CRADD: variants seen among roughly 807,000 people sequenced by gnomAD.
CRADD encodes death domain-containing protein CRADD.
In CRADD, 9 loss-of-function variants were observed where a neutral mutation model predicts 15.5. The ratio of observed to expected loss-of-function variants is 0.58; its 90% CI spans 0.35 to 1.01. The LOEUF (loss-of-function observed/expected upper bound fraction) is 1.01. Ranked by LOEUF, CRADD falls within the 50% of genes least tolerant of loss-of-function variation. The pLI, the probability that CRADD is intolerant of heterozygous loss-of-function variation, is 0.02. For missense variants in CRADD, 227 were observed against 250.3 expected, an observed-to-expected ratio of 0.91 and a Z score of 0.63; for synonymous variants, 118 against 107.6, an observed-to-expected ratio of 1.10 and a Z score of -0.60.
intron 2 of CRADD, among the ~76,000 whole-genome samples, chr12:93,892,921 A>T (rs1958586741): frequency 6.6e-6 from 1 of 152,128 alleles, no homozygotes; most frequent in African/African-American, 2.4e-5. Flanking sequence ...TTGATTAATC[A>T]CAGTGTCTTG....
intron 2 of CRADD, among the ~76,000 whole-genome samples, chr12:93,883,956 T>C (rs904908274): frequency 2.0e-5 from 3 of 152,198 alleles, no homozygotes; most frequent in African/African-American, 7.2e-5. Flanking sequence ...TCTCAGGATG[T>C]GGCAAGAGGG....
chr12:93,825,428 C>T (rs943428998), intron 2 of CRADD, among the ~76,000 whole-genome samples: 1 of 152,184 alleles, frequency 6.6e-6, no homozygotes, highest in African/African-American at 2.4e-5. Flanking sequence ...TGATACCTAT[C>T]TTGTGGCGAT....
chr12:93,861,895 G>A (rs1958322606), intron 2 of CRADD, among the ~76,000 whole-genome samples: 1 of 152,168 alleles, frequency 6.6e-6, no homozygotes, highest in African/African-American at 2.4e-5. Context: ...ACCTTGAATT[G>A]TAATAATCCC....
At chr12:93,722,974 G>A (rs1956291477) in intron 2 of CRADD, among the ~76,000 whole-genome samples, 1 of 152,162 alleles carries the variant, frequency 6.6e-6, no homozygotes, top group Admixed American at 6.5e-5. Context: ...GAGAGGAAGT[G>A]AAACCATCTT....
chr12:93,891,263 C>A (rs1180967578), intron 2 of CRADD, among the ~76,000 whole-genome samples: 1 of 151,868 alleles, frequency 6.6e-6, no homozygotes, highest in Non-Finnish European at 1.5e-5. Context: ...CCGAGACAGG[C>A]AGATTGCTTG....
chr12:93,707,515 T>C (rs2136851728), intron 2 of CRADD, among the ~76,000 whole-genome samples: 1 of 152,260 alleles, frequency 6.6e-6, no homozygotes, highest in Non-Finnish European at 1.5e-5. Flanking sequence ...ATGTGGTCTC[T>C]CCATGTGGCT....
intron 2 of CRADD, among the ~76,000 whole-genome samples, chr12:93,821,225 C>T (rs1164412708): frequency 1.3e-5 from 2 of 152,232 alleles, no homozygotes; most frequent in Non-Finnish European, 2.9e-5. Context: ...CCACTGTCCC[C>T]TGAGATGGGG....
intron 2 of CRADD, among the ~76,000 whole-genome samples, chr12:93,724,378 CAAA>C (rs58599421): frequency 1.2e-4 from 16 of 131,968 alleles, no homozygotes; most frequent in South Asian, 2.4e-4. Flanking sequence ...GACCCTGTCT[CAAA>C]AAAAAAAAAA....
chr12:93,739,673 T>A (rs567479966), intron 2 of CRADD, among the ~76,000 whole-genome samples: 1 of 152,172 alleles, frequency 6.6e-6, no homozygotes, highest in African/African-American at 2.4e-5. Flanking sequence ...AATTTTGAAA[T>A]GGGGAAAGGG....
chr12:93,741,889 C>T (rs1342307596), intron 2 of CRADD, among the ~76,000 whole-genome samples: 1 of 152,140 alleles, frequency 6.6e-6, no homozygotes, highest in African/African-American at 2.4e-5. Flanking sequence ...AGGCTCTTCC[C>T]AGAGACAGCA....
intron 2 of CRADD, among the ~76,000 whole-genome samples, chr12:93,681,902 GAGAT>G (rs1955315656): frequency 6.6e-6 from 1 of 152,142 alleles, no homozygotes; most frequent in Non-Finnish European, 1.5e-5. Flanking sequence ...TATATAGAGA[GAGAT>G]ATATATGTTT....
At chr12:93,770,340 G>C (rs545983520) in intron 2 of CRADD, among the ~76,000 whole-genome samples, 3 of 151,748 alleles carry the variant, frequency 2.0e-5, no homozygotes, top group Non-Finnish European at 4.4e-5. Flanking sequence ...CTCGTGATCC[G>C]CCCGCCTCGG....
At chr12:93,792,499 G>A (rs1246404589) in intron 2 of CRADD, among the ~76,000 whole-genome samples, 5 of 152,188 alleles carry the variant, frequency 3.3e-5, no homozygotes, top group Middle Eastern at 3.4e-3. Context: ...CACCATTTAT[G>A]GTATTTAGAT....
chr12:93,752,742 A>G (rs1592960958), intron 2 of CRADD, among the ~76,000 whole-genome samples: 1 of 152,240 alleles, frequency 6.6e-6, no homozygotes, highest in East Asian at 1.9e-4. Context: ...GGGCCTCATA[A>G]TCATGGCAGA....
intron 2 of CRADD, among the ~76,000 whole-genome samples, chr12:93,845,563 A>AAT (rs757508123): frequency 2.3e-3 from 163 of 71,410 alleles, no homozygotes; most frequent in East Asian, 7.1e-3. Context: ...GTCTCTATTA[A>AAT]ATATATATAT....
At chr12:93,754,257 G>C (rs1418170783) in intron 2 of CRADD, among the ~76,000 whole-genome samples, 1 of 152,210 alleles carries the variant, frequency 6.6e-6, no homozygotes, top group African/African-American at 2.4e-5. Flanking sequence ...CCCTGGACCT[G>C]GTCCATGAAA....
chr12:93,807,307 G>T (rs1957550279), intron 2 of CRADD, among the ~76,000 whole-genome samples: 1 of 152,122 alleles, frequency 6.6e-6, no homozygotes. Context: ...ACAGAGGGAT[G>T]AACAAGGCAG....
At chr12:93,760,294 T>A (rs1956937896) in intron 2 of CRADD, among the ~76,000 whole-genome samples, 1 of 152,170 alleles carries the variant, frequency 6.6e-6, no homozygotes, top group Non-Finnish European at 1.5e-5. Context: ...GGGGAGAGTG[T>A]GTGTGAGGAG....
At position 93,811,753 on chromosome 12, in the gene CRADD, C is replaced by T. The variant is rs569370848; in HGVS notation, c.299-38217C>T. Among the ~76,000 whole-genome samples the T allele has an allele frequency of 4.6e-5, 7 of 152,310 alleles. No homozygotes were observed. In the South Asian group the frequency reaches 1.0e-3, roughly 23 times the overall value. On this transcript the variant is annotated intron_variant, in intron 2 of 2. Transcript: ENST00000332896. ...AGTTTCTTATACAACTAAACATACT[C>T]TTACCATATGATCCAGCAATCCATC...
Sources: gnomAD v4.1 joint callset for allele counts (sites outside exome capture counted in the v4.1 genomes callset) on GRCh38, gnomAD v4.1.1 for gene constraint, MANE v1.5 for transcripts, NCBI Gene and HGNC (gene_info 2026-07-23, HGNC 2026-07-21) for gene names.